The following CNTNAP5 variants were observed in gnomAD, a reference collection of about 807,000 sequenced individuals.
CNTNAP5 encodes the protein contactin associated protein family member 5, also known as contactin-associated protein-like 5.
A neutral mutation model predicts 150.2 loss-of-function variants in CNTNAP5; 72 were observed. That is an observed-to-expected ratio of 0.48 (90% confidence interval 0.40 to 0.58). The LOEUF (loss-of-function observed/expected upper bound fraction) is 0.58, where lower values mean the gene tolerates loss of function less well. Ranked by LOEUF, CNTNAP5 falls within the 20% of genes least tolerant of loss-of-function variation. The pLI is 0.00. For synonymous variants in CNTNAP5, 672 were observed against 619.8 expected (o/e 1.08, Z -1.25); for missense variants, 1,636 against 1,626.2 (o/e 1.01, Z -0.10).
chr2:124,542,272 G>T (rs1478208039), intron 10 of CNTNAP5, among the ~76,000 whole-genome samples: 3 of 148,146 alleles, frequency 2.0e-5, no homozygotes, highest in Admixed American at 6.9e-5. Context: ...CATTCCATCT[G>T]TGTGCATTTA....
At chr2:124,628,090 T>C (rs1282838664) in intron 12 of CNTNAP5, among the ~76,000 whole-genome samples, 2 of 152,186 alleles carry the variant, frequency 1.3e-5, no homozygotes, top group South Asian at 2.1e-4. Flanking sequence ...CTACTACTGA[T>C]TGGAGTATCT....
At chr2:124,398,927 T>C (rs891014017) in intron 3 of CNTNAP5, among the ~76,000 whole-genome samples, 2 of 152,194 alleles carry the variant, frequency 1.3e-5, no homozygotes, top group Non-Finnish European at 2.9e-5. Context: ...AGGTGGGCTG[T>C]ATACCAGGTA....
At chr2:124,763,544 G>T (rs568063018) in intron 14 of CNTNAP5, 128 bp from the exon 15 acceptor site, 1 of 781,566 alleles carries the variant, frequency 1.3e-6, no homozygotes, top group East Asian at 2.7e-5. Flanking sequence ...AAGGCCTTCT[G>T]TTTTCCCCCT....
chr2:124,083,162 A>G (rs536441510), intron 1 of CNTNAP5, among the ~76,000 whole-genome samples: 69 of 152,274 alleles, frequency 4.5e-4, no homozygotes, highest in South Asian at 4.1e-3. Flanking sequence ...AGTCTGACCA[A>G]CATGACGAAA....
chr2:124,467,749 A>G (rs1351932749), intron 6 of CNTNAP5, among the ~76,000 whole-genome samples: 1 of 152,108 alleles, frequency 6.6e-6, no homozygotes, highest in Non-Finnish European at 1.5e-5. Flanking sequence ...AACTACGTAA[A>G]ACATCTAAAA....
chr2:124,405,770 C>T (rs920706659), intron 3 of CNTNAP5, among the ~76,000 whole-genome samples: 1 of 152,206 alleles, frequency 6.6e-6, no homozygotes, highest in Non-Finnish European at 1.5e-5. Context: ...TGCATGGAAT[C>T]GTGCTGTTTG....
intron 12 of CNTNAP5, among the ~76,000 whole-genome samples, chr2:124,617,723 T>A (rs989922436): frequency 1.3e-5 from 2 of 152,102 alleles, no homozygotes; most frequent in South Asian, 4.1e-4. Flanking sequence ...ATTCAACCCT[T>A]AATAGTATTA....
intron 19 of CNTNAP5, among the ~76,000 whole-genome samples, chr2:124,823,743 C>G (rs555211205): frequency 9.9e-5 from 15 of 152,138 alleles, no homozygotes; most frequent in African/African-American, 3.6e-4. Flanking sequence ...TTGTAATAGC[C>G]ACAGAACCAT....
chr2:124,383,498 T>C (rs1050249717), intron 3 of CNTNAP5, among the ~76,000 whole-genome samples: 4 of 152,200 alleles, frequency 2.6e-5, no homozygotes, highest in African/African-American at 9.7e-5. Flanking sequence ...TCATTGTGCT[T>C]ACAGACAGCC....
chr2:124,870,768 C>T (rs958485126), intron 21 of CNTNAP5, among the ~76,000 whole-genome samples: 4 of 152,022 alleles, frequency 2.6e-5, no homozygotes, highest in Admixed American at 6.6e-5. Flanking sequence ...ATGACTTCCT[C>T]GTGCCCCATA....
chr2:124,670,393 C>T (rs1162403839), intron 13 of CNTNAP5, among the ~76,000 whole-genome samples: 2 of 152,082 alleles, frequency 1.3e-5, no homozygotes, highest in Non-Finnish European at 2.9e-5. Flanking sequence ...GTCTACTCAG[C>T]TCCTTTGACC....
chr2:124,324,876 CAAGG>C lies in CNTNAP5; in HGVS notation c.381+82484_381+82487del, dbSNP rs1558851260. ...AAGGTTTTTGTAGTTCTATGAGTTTCAAGGCAATCTTGATTGAAGTATTATGAGT... is the reference window on the plus strand; with the variant it reads ...AAGGTTTTTGTAGTTCTATGAGTTTCCAATCTTGATTGAAGTATTATGAGT... On this transcript the variant is annotated intron_variant, in intron 3 of 23. Coordinates refer to ENST00000682447, the MANE Select transcript of CNTNAP5 (RefSeq NM_001367498.1). 2.6e-5 allele frequency among the ~76,000 whole-genome samples: 4 copies of C among 152,248 alleles called. No homozygotes were observed. The East Asian group carries it at 7.7e-4, about 29-fold the overall frequency.
chr2:124,087,839 A>C (rs74599248), intron 1 of CNTNAP5, among the ~76,000 whole-genome samples: 14,513 of 149,302 alleles, frequency 0.097, 820 homozygotes, highest in Non-Finnish European at 0.12. Context: ...TTTTGTTTTC[A>C]TTATGGGTAA....
intron 7 of CNTNAP5, among the ~76,000 whole-genome samples, chr2:124,477,995 A>G (rs1693682435): frequency 6.6e-6 from 1 of 152,158 alleles, no homozygotes; most frequent in Non-Finnish European, 1.5e-5. Flanking sequence ...TAAAAGCCTG[A>G]GCTTTAGATA....
At chr2:124,552,492 A>G (rs1334989257) in intron 10 of CNTNAP5, among the ~76,000 whole-genome samples, 1 of 152,140 alleles carries the variant, frequency 6.6e-6, no homozygotes, top group African/African-American at 2.4e-5. Context: ...AGCTGGTCTC[A>G]TTCCTGGGCT....
At chr2:124,479,394 G>A (rs1175533847) in intron 7 of CNTNAP5, among the ~76,000 whole-genome samples, 1 of 152,110 alleles carries the variant, frequency 6.6e-6, no homozygotes, top group East Asian at 1.9e-4. Flanking sequence ...TTCCCTGGGA[G>A]CTGGCTGAAG....
At chr2:124,446,110 G>A (rs1692808713) in intron 5 of CNTNAP5, among the ~76,000 whole-genome samples, 1 of 152,098 alleles carries the variant, frequency 6.6e-6, no homozygotes, top group Admixed American at 6.5e-5. Flanking sequence ...AAGTAAAAAG[G>A]ATGAGGCAAA....
chr2:124,336,529 C>A (rs1689473886), intron 3 of CNTNAP5, among the ~76,000 whole-genome samples: 1 of 104,456 alleles, frequency 9.6e-6, no homozygotes, highest in South Asian at 4.6e-4. Flanking sequence ...CCCCCCTCCC[C>A]CCACCCCACA....
intron 3 of CNTNAP5, among the ~76,000 whole-genome samples, chr2:124,376,885 G>A (rs1690662540): frequency 6.6e-6 from 1 of 151,942 alleles, no homozygotes; most frequent in African/African-American, 2.4e-5. Context: ...GAAGTACTGG[G>A]GAATGCACTA....
Sources: gnomAD v4.1 joint callset for allele counts (sites outside exome capture counted in the v4.1 genomes callset) on GRCh38, gnomAD v4.1.1 for gene constraint, MANE v1.5 for transcripts, NCBI Gene and HGNC (gene_info 2026-07-23, HGNC 2026-07-21) for gene names.